ARHGAP20: variants seen among roughly 807,000 people sequenced by gnomAD.
ARHGAP20 encodes the protein rho GTPase-activating protein 20.
In ARHGAP20, 34 loss-of-function variants were observed where a neutral mutation model predicts 73.7. That is an observed-to-expected ratio of 0.46 (90% confidence interval 0.35 to 0.61). ARHGAP20 has a LOEUF of 0.61. Ranked by LOEUF, ARHGAP20 falls within the 20% of genes least tolerant of loss-of-function variation. The pLI is 0.00. For missense variants in ARHGAP20, 1,314 were observed against 1,420.9 expected, an observed-to-expected ratio of 0.92 and a Z score of 1.21; for synonymous variants, 523 against 518.2, an observed-to-expected ratio of 1.01 and a Z score of -0.13.
intron 2 of ARHGAP20, among the ~76,000 whole-genome samples, chr11:110,659,753 A>G (rs1333263756): frequency 6.6e-6 from 1 of 152,060 alleles, no homozygotes; most frequent in Admixed American, 6.6e-5. Context: ...TGTCCTTTGT[A>G]GGGACATGGA....
intron 2 of ARHGAP20, among the ~76,000 whole-genome samples, chr11:110,660,076 A>AG (rs1565464086): frequency 1.2e-4 from 16 of 129,320 alleles, no homozygotes; most frequent in African/African-American, 4.9e-4. Flanking sequence ...AAAAAAAAAA[A>AG]AAGAAAATAC....
At chr11:110,658,723 G>A (rs1405348840) in intron 2 of ARHGAP20, among the ~76,000 whole-genome samples, 1 of 152,004 alleles carries the variant, frequency 6.6e-6, no homozygotes, top group East Asian at 1.9e-4. Context: ...TTTCTGCACC[G>A]AGAACTGAGG....
Position 110,654,436 on chromosome 11 carries a change from A to T in ARHGAP20, c.189-23644T>A, listed in dbSNP as rs543118302. ...GATCACAAATTAGTGCTAAATAACA[A>T]ATGTCTTAATTTCTATTTTACTTAA... On this transcript the variant is annotated intron_variant, in intron 2 of 14. Coordinates refer to ENST00000683387, the MANE Select transcript of ARHGAP20 (RefSeq NM_001384657.1). 3.9e-5 allele frequency among the ~76,000 whole-genome samples: 6 copies of T among 152,334 alleles called. No homozygotes were observed. In the South Asian group the frequency reaches 1.2e-3, roughly 32 times the overall value.
chr11:110,625,288 C>T (rs1591324852), intron 3 of ARHGAP20, among the ~76,000 whole-genome samples: 2 of 151,740 alleles, frequency 1.3e-5, no homozygotes, highest in African/African-American at 2.4e-5. Flanking sequence ...CCACCCGCCT[C>T]GGCCTCCCAA....
intron 2 of ARHGAP20, among the ~76,000 whole-genome samples, chr11:110,651,632 T>G (rs1949355770): frequency 6.6e-6 from 1 of 150,840 alleles, no homozygotes; most frequent in African/African-American, 2.4e-5. Flanking sequence ...CTAGAAGAAA[T>G]GAGTAAGTTC....
intron 2 of ARHGAP20, among the ~76,000 whole-genome samples, chr11:110,668,580 T>A (rs1949768237): frequency 6.6e-6 from 1 of 151,928 alleles, no homozygotes. Flanking sequence ...GTCCTAGAGG[T>A]GGAGGATGCA....
chr11:110,705,202 A>G (rs1041092391), intron 1 of ARHGAP20, among the ~76,000 whole-genome samples: 1 of 152,158 alleles, frequency 6.6e-6, no homozygotes. Context: ...ATGGAAAGGT[A>G]AGAACTGTGA....
intron 2 of ARHGAP20, among the ~76,000 whole-genome samples, chr11:110,643,397 GT>G (rs1008083618): frequency 7.2e-4 from 110 of 152,120 alleles, no homozygotes; most frequent in African/African-American, 2.5e-3. Flanking sequence ...TGATGTGGGT[GT>G]TTAGTACGAC....
At chr11:110,654,001 A>G (rs1176238481) in intron 2 of ARHGAP20, among the ~76,000 whole-genome samples, 4 of 152,020 alleles carry the variant, frequency 2.6e-5, no homozygotes, top group South Asian at 2.1e-4. Flanking sequence ...GAGCTGAACA[A>G]TAAGAACACA....
intron 2 of ARHGAP20, among the ~76,000 whole-genome samples, chr11:110,658,010 A>G (rs1320536603): frequency 1.3e-5 from 2 of 152,120 alleles, no homozygotes; most frequent in African/African-American, 4.8e-5. Context: ...AAGTTCCAGA[A>G]GATGAGAATT....
chr11:110,600,567 C>T (rs1268490135), intron 9 of ARHGAP20, among the ~76,000 whole-genome samples: 1 of 152,254 alleles, frequency 6.6e-6, no homozygotes, highest in East Asian at 1.9e-4. Context: ...GTAGTAAGAG[C>T]CAAGTGCAGC....
intron 8 of ARHGAP20, among the ~76,000 whole-genome samples, 166 bp downstream of exon 8, chr11:110,608,818 T>C (rs541557848): frequency 3.1e-4 from 47 of 152,318 alleles, no homozygotes; most frequent in African/African-American, 1.1e-3. Context: ...GAGATATTAT[T>C]TGTCTAGCAC....
chr11:110,610,877 C>A (rs1377587741), intron 7 of ARHGAP20, among the ~76,000 whole-genome samples: 1 of 152,000 alleles, frequency 6.6e-6, no homozygotes, highest in African/African-American at 2.4e-5. Flanking sequence ...TATTACAGAG[C>A]AAATTCTTCA....
At chr11:110,596,477 A>C (rs372235173) in intron 9 of ARHGAP20, among the ~76,000 whole-genome samples, 11 of 151,908 alleles carry the variant, frequency 7.2e-5, no homozygotes, top group African/African-American at 2.7e-4. Context: ...AAAAGTGGGC[A>C]AAGGATATGA....
At position 110,611,323 on chromosome 11, in the gene ARHGAP20, T is replaced by C; in HGVS notation, c.694A>G (p.Met232Val). Residue 232 changes from methionine to valine, a missense_variant, in exon 7 of 15, where the codon ATG becomes GTG. Met to Val is a conservative substitution (Grantham distance 21, BLOSUM62 1). Coordinates refer to ENST00000683387, the MANE Select transcript of ARHGAP20 (RefSeq NM_001384657.1). ...GAATAACTTACAGTTATCCCTAGCA[T>C]TGGTAATGACATGTTGATAACTTCA... ...ANEVINMSLP[M>V]LGITGSERDY... The C allele has an allele frequency of 2.6e-6, 4 of 1,561,502 alleles. No homozygotes were observed. Among genetic ancestry groups the C allele is most frequent in the Non-Finnish European group, 2.6e-6 (3 of 1,148,510 alleles).
intron 9 of ARHGAP20, among the ~76,000 whole-genome samples, chr11:110,601,801 T>A (rs1948116224): frequency 1.3e-5 from 2 of 152,052 alleles, no homozygotes; most frequent in Non-Finnish European, 2.9e-5. Context: ...CTGGCCAACA[T>A]GGTGAAACCC....
chr11:110,666,085 A>G (rs1054799767), intron 2 of ARHGAP20, among the ~76,000 whole-genome samples: 1 of 152,154 alleles, frequency 6.6e-6, no homozygotes, highest in African/African-American at 2.4e-5. Flanking sequence ...CTACCATTGA[A>G]CAACTGGAAT....
At chr11:110,586,158 T>A (rs1806194144) in intron 12 of ARHGAP20, 58 bp downstream of exon 12, 1 of 901,886 alleles carries the variant, frequency 1.1e-6, no homozygotes, top group African/African-American at 1.8e-5. Context: ...TTTTAATAAA[T>A]AATCTTATAA....
chr11:110,704,720 G>T (rs920983747), intron 1 of ARHGAP20, among the ~76,000 whole-genome samples: 4 of 152,144 alleles, frequency 2.6e-5, no homozygotes, highest in African/African-American at 9.7e-5. Context: ...TCAGAAAACT[G>T]TTGTAGTTGC....
Sources: gnomAD v4.1 joint callset for allele counts (sites outside exome capture counted in the v4.1 genomes callset) on GRCh38, gnomAD v4.1.1 for gene constraint, MANE v1.5 for transcripts, NCBI Gene and HGNC (gene_info 2026-07-23, HGNC 2026-07-21) for gene names.